The following KIF1A variants were observed in gnomAD, a reference collection of about 807,000 sequenced individuals.
KIF1A encodes the protein kinesin family member 1A, also known as kinesin-like protein KIF1A.
KIF1A carries 46 observed loss-of-function variants against 227.3 expected under a neutral mutation model. The ratio of observed to expected loss-of-function variants is 0.20; its 90% confidence interval spans 0.16 to 0.26. The LOEUF (loss-of-function observed/expected upper bound fraction) is 0.26. Ranked by LOEUF, KIF1A falls within the 10% of genes least tolerant of loss-of-function variation. The pLI is 1.00. For synonymous variants in KIF1A, 1,022 were observed against 1,012.8 expected (o/e 1.01, Z -0.17); for missense variants, 1,683 against 2,485.9 (o/e 0.68, Z 6.87).
At chr2:240,748,687 C>G in intron 28 of KIF1A, 1 of 332,492 alleles carries the variant, frequency 3.0e-6, no homozygotes, top group Non-Finnish European at 6.3e-6. Flanking sequence ...GGGCTGGGGC[C>G]CTTCCCTGGT....
At chr2:240,785,467 G>A (rs949706489) in intron 6 of KIF1A, among the ~76,000 whole-genome samples, 3 of 152,214 alleles carry the variant, frequency 2.0e-5, no homozygotes, top group African/African-American at 4.8e-5. Flanking sequence ...ACCCTACCAC[G>A]GCCCACACCC....
chr2:240,740,210 C>G lies in KIF1A; in HGVS notation c.3817-68G>C. 1 of 1,564,868 alleles carries G rather than the reference C, an allele frequency of 6.4e-7. No homozygotes were observed. Among genetic ancestry groups the G allele is most frequent in the Non-Finnish European group, 8.8e-7 (1 of 1,142,810 alleles). ...GGCTACGTAGGGTGAGGGAGGGGGA[C>G]ACAGGCAGGGTAGGGGCAGGGAGAG... On this transcript the variant is annotated intron_variant, in intron 36 of 48. Transcript: ENST00000498729. The surrounding 1 kb of genome is among the most constrained non-coding windows in gnomAD (Gnocchi z 6.1).
Position 240,761,212 on chromosome 2 carries a change from G to A in KIF1A, c.2265+17C>T. ...ACTCTCTCCAACAGGAAACGGTACA[G>A]CCAGTGGGCAGCCCACCTTCTTTTT... On this transcript the variant is annotated intron_variant, in intron 24 of 48. Coordinates refer to ENST00000498729, the MANE Select transcript of KIF1A (RefSeq NM_001244008.2). 1 of 1,606,430 alleles carries A rather than the reference G, an allele frequency of 6.2e-7. No individual in the cohort carries two copies. Among genetic ancestry groups the A allele is most frequent in the Non-Finnish European group, 8.5e-7 (1 of 1,175,538 alleles).
intron 27 of KIF1A, among the ~76,000 whole-genome samples, chr2:240,754,033 C>T (rs1035857900): frequency 6.6e-6 from 1 of 152,146 alleles, no homozygotes; most frequent in Non-Finnish European, 1.5e-5. Context: ...TTAAGCAGAT[C>T]GATTGTTTCA....
Position 240,761,335 on chromosome 2 carries a change from A to G in KIF1A, c.2159T>C (p.Phe720Ser). 6.2e-7 allele frequency: 1 copy of G among 1,613,560 alleles called. No homozygotes were observed. Among genetic ancestry groups the G allele is most frequent in the Non-Finnish European group, 8.5e-7 (1 of 1,179,680 alleles). Reference sequence around the variant, plus strand: ...GAACTGGTACCACTTCCACTTCCGGAAGGCCCAGAGCGCCAGCTCACACTC... The same window carrying G: ...GAACTGGTACCACTTCCACTTCCGGGAGGCCCAGAGCGCCAGCTCACACTC... The part of the protein sequence containing the change: ...ERECELALWA[F>S]RKWKWYQFTS... The change falls in exon 24 of 49, where the codon TTC (phenylalanine) becomes TCC (serine). Residue 720 changes from phenylalanine to serine, a missense_variant. This residue lies in a region of KIF1A where 217 missense variants were observed against 427.0 expected (regional missense o/e 0.51). Transcript: ENST00000498729.
At chr2:240,784,931 C>T (rs2054530810) in intron 7 of KIF1A, 58 bp downstream of exon 7, 2 of 1,427,694 alleles carry the variant, frequency 1.4e-6, no homozygotes, top group African/African-American at 1.4e-5. Context: ...ACCACCACCC[C>T]TACCCTGACC....
At chr2:240,783,703 T>C in intron 8 of KIF1A, 36 bp downstream of exon 8, 1 of 1,522,122 alleles carries the variant, frequency 6.6e-7, no homozygotes, top group Non-Finnish European at 8.9e-7. Flanking sequence ...AGGCCAAATG[T>C]GGACACGGGT....
intron 1 of KIF1A, among the ~76,000 whole-genome samples, chr2:240,808,733 T>C (rs2126214586): frequency 6.6e-6 from 1 of 152,048 alleles, no homozygotes; most frequent in African/African-American, 2.4e-5. Flanking sequence ...TAAATGTCAC[T>C]AACTTTTTTT....
chr2:240,719,316 A>G (rs2044976795), intron 46 of KIF1A, 118 bp from the exon 47 acceptor site: 2 of 1,215,084 alleles, frequency 1.6e-6, no homozygotes, highest in South Asian at 1.6e-5. Context: ...CCCCAGCCAG[A>G]AAGTGGGTCG....
At chr2:240,718,702 G>A (rs1230184637) in intron 47 of KIF1A, among the ~76,000 whole-genome samples, 1 of 152,224 alleles carries the variant, frequency 6.6e-6, no homozygotes, top group East Asian at 1.9e-4. Context: ...CACCTTGGGT[G>A]ACTCCGGAGG....
At chr2:240,743,084 C>T in intron 33 of KIF1A, 100 bp from the exon 34 acceptor site, 1 of 884,396 alleles carries the variant, frequency 1.1e-6, no homozygotes, top group Non-Finnish European at 1.7e-6. Flanking sequence ...CATCCCGGCC[C>T]CTCCCACCCT....
chr2:240,769,782 G>T, intron 15 of KIF1A, 76 bp from the exon 16 acceptor site: 1 of 1,244,548 alleles, frequency 8.0e-7, no homozygotes, highest in South Asian at 1.3e-5. Context: ...ACGGGTGCCA[G>T]GAGAAGGAGC....
chr2:240,729,097 C>G (rs955200268), intron 38 of KIF1A, among the ~76,000 whole-genome samples: 1 of 152,176 alleles, frequency 6.6e-6, no homozygotes, highest in Non-Finnish European at 1.5e-5. Context: ...CTGTCTGGTA[C>G]ACATCAGTGT....
At chr2:240,779,896 C>T (rs2053398006) in intron 10 of KIF1A, among the ~76,000 whole-genome samples, 1 of 152,158 alleles carries the variant, frequency 6.6e-6, no homozygotes, top group East Asian at 1.9e-4. Flanking sequence ...CCCATGTTTC[C>T]CCCCAGGCCT....
chr2:240,734,798 A>G (rs2047134013), intron 38 of KIF1A: 1 of 1,271,068 alleles, frequency 7.9e-7, no homozygotes, highest in Non-Finnish European at 1.0e-6. Context: ...GCGCAGCGGG[A>G]GCGGGGTGGG....
Position 240,762,763 on chromosome 2 carries a change from T to C in KIF1A, c.2072A>G (p.Tyr691Cys), listed in dbSNP as rs531766047. Residue 691 changes from tyrosine to cysteine, a missense_variant, in exon 23 of 49, where the codon TAC (tyrosine) becomes TGC (cysteine). Tyr to Cys is a radical substitution (Grantham distance 194). Coordinates refer to ENST00000498729, the MANE Select transcript of KIF1A (RefSeq NM_001244008.2). The stretch of plus-strand genomic sequence containing the variant: ...CTCCTCCTCGTTCACCTCCGGGTAG[T>C]ACCTGGAGTCCATCTGCTTCTGCAG... ...EALQKQMDSR[Y>C]YPEVNEEEEE... 4 of 1,601,120 alleles carry C rather than the reference T, an allele frequency of 2.5e-6. No homozygotes were observed. The highest frequency in any genetic ancestry group is 4.5e-5 in the East Asian group (2 of 44,500).
chr2:240,800,078 G>A (rs572890254), intron 1 of KIF1A, among the ~76,000 whole-genome samples: 6 of 148,512 alleles, frequency 4.0e-5, no homozygotes, highest in Non-Finnish European at 5.9e-5. Flanking sequence ...GAAATGACAC[G>A]TGAACAGACT....
At chr2:240,743,921 C>A (rs778118703) in intron 33 of KIF1A, 21 bp downstream of exon 33, 1 of 1,536,448 alleles carries the variant, frequency 6.5e-7, no homozygotes, top group South Asian at 1.1e-5. Context: ...AGCCCCGAAC[C>A]CCCCGACCCA....
Position 240,769,695 on chromosome 2 carries a change from C to A in KIF1A, c.1353G>T (p.Lys451Asn). ...AGGTCTCATTGAGCTCAGCTATGAT[C>A]TTCTCTGTTTCCTGGGGATTGAGGC... The part of the protein sequence containing the change: ...EAIERLKETE[K>N]IIAELNETWE... Residue 451 changes from lysine to asparagine, a missense_variant, in exon 16 of 49, where the codon AAG becomes AAT. Coordinates refer to ENST00000498729, the MANE Select transcript of KIF1A (RefSeq NM_001244008.2). The A allele has an allele frequency of 6.2e-7, 1 of 1,613,532 alleles. No individual in the cohort carries two copies. The highest frequency in any genetic ancestry group is 1.1e-5 in the South Asian group (1 of 91,068).
Sources: allele counts gnomAD v4.1 joint callset (sites outside exome capture counted in the v4.1 genomes callset), GRCh38; gene constraint gnomAD v4.1.1; regional missense constraint gnomAD v4.1.1; non-coding constraint Gnocchi (gnomAD v3.1); transcripts MANE v1.5; gene names NCBI Gene and HGNC (gene_info 2026-07-23, HGNC 2026-07-21).